Variants in CWH43 observed in about 807,000 individuals in gnomAD.
The protein encoded by CWH43 is PGAP2-interacting protein.
A neutral mutation model predicts 85.7 loss-of-function variants in CWH43; 91 were observed. The ratio of observed to expected loss-of-function variants is 1.06; its 90% CI spans 0.90 to 1.26. CWH43 has a LOEUF of 1.26. Ranked by LOEUF, CWH43 falls within the 50% of genes most tolerant of loss-of-function variation. The pLI, the probability that CWH43 is intolerant of heterozygous loss-of-function variation, is 0.00. For synonymous variants in CWH43, 323 were observed against 293.6 expected, an observed-to-expected ratio of 1.10 and a Z score of -1.02; for missense variants, 869 against 839.2, an observed-to-expected ratio of 1.04 and a Z score of -0.44.
intron 6 of CWH43, among the ~76,000 whole-genome samples, chr4:48,999,943 G>A (rs562263489): frequency 2.6e-5 from 4 of 152,116 alleles, no homozygotes; most frequent in African/African-American, 4.8e-5. Flanking sequence ...CCTAGTCTTT[G>A]TGAAGAGGAG....
chr4:49,021,791 T>C (rs1041455156), intron 9 of CWH43, among the ~76,000 whole-genome samples: 4 of 152,164 alleles, frequency 2.6e-5, no homozygotes, highest in African/African-American at 9.6e-5. Flanking sequence ...TTCCTAAATA[T>C]TTTATTTTAT....
intron 1 of CWH43, chr4:48,986,741 A>C: frequency 7.7e-7 from 1 of 1,306,970 alleles, no homozygotes; most frequent in Non-Finnish European, 9.7e-7. Context: ...ATTGTGCCCA[A>C]GGAGCGCGAA....
chr4:48,991,529 TGATA>T lies in CWH43; in HGVS notation c.313_316del (p.Ile105CysfsTer4). The T allele has an allele frequency of 2.5e-6, 4 of 1,614,088 alleles. No homozygotes were observed. The highest frequency in any genetic ancestry group is 3.4e-6 in the Non-Finnish European group (4 of 1,179,980). On this transcript the variant is annotated frameshift_variant, in exon 3 of 16. Transcript: ENST00000226432. LOFTEE classifies it high-confidence loss of function. ...CTTGCGCTTGGGGTGTCTTCCTCAC[TGATA>T]GTGCAAGCTGTGACTTGGTGGTCAG... is the stretch of plus-strand genomic sequence containing the variant.
At chr4:48,986,809 C>A in intron 1 of CWH43, 1 of 1,177,432 alleles carries the variant, frequency 8.5e-7, no homozygotes, top group Non-Finnish European at 1.1e-6. Context: ...AGCCCCCCAC[C>A]CGTGGCCTTT....
chr4:49,019,637 T>C (rs1211726767), intron 9 of CWH43, among the ~76,000 whole-genome samples: 1 of 152,140 alleles, frequency 6.6e-6, no homozygotes, highest in African/African-American at 2.4e-5. Context: ...TGGGGTGCAG[T>C]GGCATGATCT....
chr4:49,006,965 T>C (rs1783178101), intron 7 of CWH43, among the ~76,000 whole-genome samples: 1 of 152,154 alleles, frequency 6.6e-6, no homozygotes, highest in Non-Finnish European at 1.5e-5. Flanking sequence ...CAAAGAAATA[T>C]GTATCGGGAA....
intron 12 of CWH43, 31 bp downstream of exon 12, chr4:49,032,746 C>A (rs766706428): frequency 2.5e-6 from 4 of 1,609,814 alleles, no homozygotes; most frequent in South Asian, 1.1e-5. Context: ...TAATATTACA[C>A]AAATGCCAAG....
intron 14 of CWH43, among the ~76,000 whole-genome samples, chr4:49,046,622 C>T (rs796424981): frequency 4.6e-5 from 7 of 152,006 alleles, no homozygotes; most frequent in African/African-American, 1.7e-4. Flanking sequence ...CTTGGCAGCA[C>T]CTCAAGTGGA....
intron 14 of CWH43, among the ~76,000 whole-genome samples, chr4:49,045,362 C>CGAGTGT (rs1784591557): frequency 6.6e-6 from 1 of 152,068 alleles, no homozygotes; most frequent in African/African-American, 2.4e-5. Context: ...CACATACATG[C>CGAGTGT]GTATGTGTGT....
At chr4:49,001,503 G>A (rs186369281) in intron 6 of CWH43, among the ~76,000 whole-genome samples, 3 of 152,200 alleles carry the variant, frequency 2.0e-5, no homozygotes, top group Non-Finnish European at 2.9e-5. Flanking sequence ...GAAGGGAAAT[G>A]CATGCACATA....
At chr4:49,003,642 C>A in intron 6 of CWH43, 93 bp from the exon 7 acceptor site, 1 of 1,243,962 alleles carries the variant, frequency 8.0e-7, no homozygotes, top group South Asian at 1.4e-5. Flanking sequence ...ATCAGTATAC[C>A]CCTAAGGTCT....
At chr4:48,988,730 G>A in intron 2 of CWH43, 62 bp downstream of exon 2, 1 of 1,033,550 alleles carries the variant, frequency 9.7e-7, no homozygotes, top group Non-Finnish European at 1.4e-6. Flanking sequence ...GTGAGATTAT[G>A]TAGACTGTTC....
chr4:49,028,138 T>C (rs1783977247), intron 9 of CWH43, among the ~76,000 whole-genome samples: 1 of 152,210 alleles, frequency 6.6e-6, no homozygotes, highest in African/African-American at 2.4e-5. Context: ...ATTGTTACTA[T>C]ATATGACAGA....
chr4:49,040,839 A>C (rs947280313), intron 13 of CWH43, among the ~76,000 whole-genome samples: 1 of 152,112 alleles, frequency 6.6e-6, no homozygotes, highest in African/African-American at 2.4e-5. Flanking sequence ...CCTGAATGGT[A>C]TTGCCTAGGT....
intron 13 of CWH43, among the ~76,000 whole-genome samples, chr4:49,044,042 G>T (rs1458651980): frequency 6.6e-6 from 1 of 152,074 alleles, no homozygotes; most frequent in African/African-American, 2.4e-5. Context: ...GTAAAATTCA[G>T]AAGTGGTGAA....
chr4:48,987,631 G>A (rs971081077), intron 1 of CWH43, among the ~76,000 whole-genome samples: 1 of 152,182 alleles, frequency 6.6e-6, no homozygotes, highest in Non-Finnish European at 1.5e-5. Flanking sequence ...GGCTGTATAA[G>A]GAATGAGACA....
chr4:49,030,699 T>C (rs1577689364), intron 10 of CWH43, 126 bp from the exon 11 acceptor site: 15 of 816,152 alleles, frequency 1.8e-5, no homozygotes, highest in Non-Finnish European at 2.6e-5. Flanking sequence ...GACTCACTAA[T>C]AATTACTTTG....
intron 11 of CWH43, among the ~76,000 whole-genome samples, chr4:49,031,435 G>T (rs1784092248): frequency 6.6e-6 from 1 of 152,166 alleles, no homozygotes; most frequent in South Asian, 2.1e-4. Flanking sequence ...CAGGACCCAG[G>T]ACCAGCCTTG....
chr4:49,030,605 TC>T (rs1296296103), intron 10 of CWH43, among the ~76,000 whole-genome samples: 1 of 152,218 alleles, frequency 6.6e-6, no homozygotes, highest in East Asian at 1.9e-4. Flanking sequence ...TCTTGGTAGT[TC>T]CTGGAGGTGT....
Sources: allele counts gnomAD v4.1 joint callset (sites outside exome capture counted in the v4.1 genomes callset), GRCh38; gene constraint gnomAD v4.1.1; transcripts MANE v1.5; gene names NCBI Gene and HGNC (gene_info 2026-07-23, HGNC 2026-07-21).